Variants in UBASH3A observed in about 807,000 individuals in gnomAD.
The protein encoded by UBASH3A is ubiquitin-associated and SH3 domain-containing protein A.
In UBASH3A, 63 loss-of-function variants were observed where a neutral mutation model predicts 73.5. The ratio of observed to expected loss-of-function variants is 0.86; its 90% confidence interval spans 0.70 to 1.06. The LOEUF is 1.06. UBASH3A is among the 50% of genes least tolerant of loss of function. The pLI is 0.00. For synonymous variants in UBASH3A, 363 were observed against 351.1 expected (o/e 1.03, Z -0.38); for missense variants, 860 against 859.0 (o/e 1.00, Z -0.02).
chr21:42,407,748 C>A (rs986140360), intron 2 of UBASH3A, among the ~76,000 whole-genome samples: 1 of 152,216 alleles, frequency 6.6e-6, no homozygotes, highest in East Asian at 1.9e-4. Flanking sequence ...CTCCGTCGTG[C>A]GTCTAAGCAG....
chr21:42,405,109 C>A (rs999628155), intron 1 of UBASH3A, among the ~76,000 whole-genome samples: 2 of 152,146 alleles, frequency 1.3e-5, no homozygotes, highest in Non-Finnish European at 2.9e-5. Context: ...AAAGCTTGGC[C>A]AAATTGGGTG....
intron 6 of UBASH3A, among the ~76,000 whole-genome samples, chr21:42,418,042 TC>T (rs2053256794): frequency 6.6e-6 from 1 of 151,734 alleles, no homozygotes; most frequent in African/African-American, 2.4e-5. Context: ...CGCCACCATG[TC>T]CAGCTAATTT....
At chr21:42,418,631 A>C (rs779100817) in intron 7 of UBASH3A, 22 bp downstream of exon 7, 146 of 1,603,464 alleles carry the variant, frequency 9.1e-5, no homozygotes, top group Non-Finnish European at 1.1e-4. Flanking sequence ...CTCTGGCTGC[A>C]GCCCCGTCAT....
At chr21:42,406,443 TACCAGGAA>T in intron 2 of UBASH3A, 82 bp downstream of exon 2, 6 of 1,236,118 alleles carry the variant, frequency 4.9e-6, no homozygotes, top group Non-Finnish European at 7.2e-6. Context: ...CCAGGGCTGA[TACCAGGAA>T]GAGCCGGGCG....
intron 8 of UBASH3A, 135 bp from the exon 9 acceptor site, chr21:42,431,959 TTGGGCAAAA>T (rs1394331108): frequency 3.5e-6 from 2 of 577,418 alleles, no homozygotes; most frequent in Non-Finnish European, 6.4e-6. Context: ...TTCTAATGAT[TTGGGCAAAA>T]TGGGCTGAGC....
chr21:42,431,007 G>A (rs1255145757), intron 8 of UBASH3A, among the ~76,000 whole-genome samples: 1 of 152,230 alleles, frequency 6.6e-6, no homozygotes, highest in Non-Finnish European at 1.5e-5. Context: ...GCCGAGCCTG[G>A]TGTCTCCCTC....
intron 1 of UBASH3A, among the ~76,000 whole-genome samples, chr21:42,405,994 G>A (rs1032068385): frequency 4.6e-5 from 7 of 150,662 alleles, no homozygotes; most frequent in African/African-American, 7.3e-5. Context: ...GGGGGGGGGG[G>A]GGGCAGGCCA....
intron 6 of UBASH3A, among the ~76,000 whole-genome samples, chr21:42,418,173 C>T (rs1045646614): frequency 5.9e-5 from 9 of 152,110 alleles, no homozygotes; most frequent in African/African-American, 1.9e-4. Context: ...TGAGCCACCG[C>T]GCCTGGCCCC....
intron 1 of UBASH3A, 114 bp downstream of exon 1, chr21:42,404,172 T>G (rs1209931328): frequency 6.0e-6 from 3 of 498,686 alleles, no homozygotes; most frequent in Non-Finnish European, 1.0e-5. Flanking sequence ...GCCAAAGCAG[T>G]GCACCTTGCA....
In UBASH3A at chr21:42,413,489, A is replaced by G; in HGVS notation, c.633A>G (p.Arg211=). 1 of 1,614,074 alleles carries G rather than the reference A, an allele frequency of 6.2e-7. No individual in the cohort carries two copies. Among genetic ancestry groups the G allele is most frequent in the South Asian group, 1.1e-5 (1 of 91,074 alleles). ...ACCTGAGGCTGAGCAATTTAACTAG[A>G]GCCTCCTTCGTGAGCCACTACATCC... ...GPNLRLSNLT[R]ASFVSHYILQ... The change falls in exon 5 of 15, where the codon AGA becomes AGG. Residue 211 remains arginine (R), a synonymous_variant. Transcript: ENST00000319294. The surrounding 1 kb of genome is among the most constrained non-coding windows in gnomAD (Gnocchi z 4.5).
chr21:42,432,051 A>T, intron 8 of UBASH3A, 52 bp from the exon 9 acceptor site: 1 of 1,152,240 alleles, frequency 8.7e-7, no homozygotes, highest in South Asian at 1.3e-5. Context: ...GTGCAAGTCC[A>T]GTGAGTTGGA....
At chr21:42,418,279 G>A (rs2053262788) in intron 6 of UBASH3A, 122 bp from the exon 7 acceptor site, 9 of 797,070 alleles carry the variant, frequency 1.1e-5, no homozygotes, top group Non-Finnish European at 1.9e-5. Flanking sequence ...TGGAGTCTTG[G>A]AGACACAGAA....
intron 8 of UBASH3A, 39 bp downstream of exon 8, chr21:42,426,859 G>A: frequency 1.2e-6 from 2 of 1,606,974 alleles, no homozygotes; most frequent in Non-Finnish European, 1.7e-6. Context: ...AGTAAACTAA[G>A]CAAAACTACA....
chr21:42,437,522 C>T lies in UBASH3A; in HGVS notation c.1428C>T (p.Ser476=), dbSNP rs2053648370. ...TACTGGACAGTGGTATCAGAATCAG[C>T]TCTGTGTTTGCCTCCCCAGCCCTCC... ...DALLDSGIRI[S]SVFASPALRC... The change falls in exon 11 of 15, where the codon AGC becomes AGT. Residue 476 remains serine, a synonymous_variant. Coordinates refer to ENST00000319294, the MANE Select transcript of UBASH3A (RefSeq NM_018961.4). The T allele has an allele frequency of 1.9e-6, 3 of 1,614,262 alleles. No individual in the cohort carries two copies. Among genetic ancestry groups the T allele is most frequent in the Admixed American group, 1.7e-5 (1 of 60,038 alleles).
In UBASH3A at chr21:42,447,327, T is replaced by C. The variant is rs1002493297; in HGVS notation, c.*133T>C. The C allele has an allele frequency of 9.3e-6, 9 of 967,312 alleles. No homozygotes were observed. In the South Asian group the frequency reaches 1.3e-4, roughly 14 times the overall value. The allele number at this position is 967,312 out of a possible 1,614,324, so 59.9% of individuals were successfully genotyped here. A position where few individuals can be genotyped will look rare whatever the true frequency, so the allele number is the denominator to read the frequency against. ...TTTGTAGAAGCACGAGACGCACTTTTATATCCCGGAATATTTCCCTCCGGC... is the reference window on the plus strand; with the variant it reads ...TTTGTAGAAGCACGAGACGCACTTTCATATCCCGGAATATTTCCCTCCGGC... On this transcript the variant is annotated 3_prime_UTR_variant, in exon 15 of 15. Transcript: ENST00000319294.
intron 7 of UBASH3A, among the ~76,000 whole-genome samples, chr21:42,426,275 A>G (rs1210522823): frequency 1.3e-5 from 2 of 152,220 alleles, no homozygotes; most frequent in South Asian, 2.1e-4. Context: ...TGTTTTTAAT[A>G]AGGACTTTCA....
At chr21:42,407,131 T>G (rs1054229697) in intron 2 of UBASH3A, among the ~76,000 whole-genome samples, 1 of 152,182 alleles carries the variant, frequency 6.6e-6, no homozygotes, top group African/African-American at 2.4e-5. Context: ...GCCATGGGCC[T>G]GTTCTCTGCT....
rs775362223 is a variant in UBASH3A, at chr21:42,413,558, T to G, written c.667+35T>G. 8.7e-6 allele frequency: 13 copies of G among 1,495,552 alleles called. No homozygotes were observed. The highest frequency in any genetic ancestry group is 1.2e-5 in the Non-Finnish European group (13 of 1,077,712). 92.6% of individuals were successfully genotyped at this position (1,495,552 alleles called of 1,614,324 possible). ...TAGAAAGCTTCCGGACCAGCTTTGG[T>G]CTTCTCTTTAGGCGGGAATAGCCTT... is the stretch of plus-strand genomic sequence containing the variant. On this transcript the variant is annotated intron_variant, in intron 5 of 14. Coordinates refer to ENST00000319294, the MANE Select transcript of UBASH3A (RefSeq NM_018961.4). The surrounding 1 kb of genome is among the most constrained non-coding windows in gnomAD (Gnocchi z 4.5).
At chr21:42,407,186 T>TC (rs2052994741) in intron 2 of UBASH3A, among the ~76,000 whole-genome samples, 1 of 152,172 alleles carries the variant, frequency 6.6e-6, no homozygotes, top group Non-Finnish European at 1.5e-5. Context: ...AACCCTCTCC[T>TC]ACCCGGATGT....
Sources: allele counts gnomAD v4.1 joint callset (sites outside exome capture counted in the v4.1 genomes callset), GRCh38; gene constraint gnomAD v4.1.1; non-coding constraint Gnocchi (gnomAD v3.1); transcripts MANE v1.5; gene names NCBI Gene and HGNC (gene_info 2026-07-23, HGNC 2026-07-21).